EIF2S2: variants seen among roughly 807,000 people sequenced by gnomAD.
EIF2S2 encodes the protein eukaryotic translation initiation factor 2 subunit beta, also known as eukaryotic translation initiation factor 2 subunit 2.
A neutral mutation model predicts 44.0 loss-of-function variants in EIF2S2; 4 were observed. The observed-to-expected ratio is 0.09, with a 90% CI of 0.04 to 0.21. The LOEUF (loss-of-function observed/expected upper bound fraction) is 0.21, where lower values mean the gene tolerates loss of function less well. Ranked by LOEUF, EIF2S2 falls within the 10% of genes least tolerant of loss-of-function variation. EIF2S2 has a pLI of 1.00. For missense variants in EIF2S2, 154 were observed against 392.0 expected, an observed-to-expected ratio of 0.39 and a Z score of 5.13; for synonymous variants, 108 against 128.3, an observed-to-expected ratio of 0.84 and a Z score of 1.07.
chr20:34,093,800 G>A, intron 6 of EIF2S2, 69 bp from the exon 7 acceptor site: 1 of 1,373,818 alleles, frequency 7.3e-7, no homozygotes, highest in Non-Finnish European at 1.0e-6. Flanking sequence ...TAAAAAATCT[G>A]TTCATTGTTT....
intron 1 of EIF2S2, among the ~76,000 whole-genome samples, chr20:34,105,815 C>T (rs1488416152): frequency 6.6e-6 from 1 of 152,152 alleles, no homozygotes; most frequent in African/African-American, 2.4e-5. Context: ...CAAATTTGGA[C>T]ATTTGAATGA....
chr20:34,103,380 A>G (rs1568717479), intron 3 of EIF2S2, 82 bp downstream of exon 3: 4 of 1,451,800 alleles, frequency 2.8e-6, no homozygotes, highest in Non-Finnish European at 2.7e-6. Context: ...CTAGTAAGAG[A>G]TGAGTCAAAG....
intron 1 of EIF2S2, among the ~76,000 whole-genome samples, chr20:34,107,583 A>G (rs1209167708): frequency 6.6e-6 from 1 of 152,244 alleles, no homozygotes; most frequent in Non-Finnish European, 1.5e-5. Flanking sequence ...ATACTTTACC[A>G]TTCATAAAGC....
chr20:34,108,544 GTTTTC>G (rs753366351), intron 1 of EIF2S2, among the ~76,000 whole-genome samples: 9 of 152,106 alleles, frequency 5.9e-5, no homozygotes, highest in African/African-American at 1.7e-4. Context: ...CTCCAAATTG[GTTTTC>G]TTTTATGAAA....
intron 1 of EIF2S2, among the ~76,000 whole-genome samples, chr20:34,108,797 T>C (rs748731737): frequency 2.0e-4 from 30 of 152,236 alleles, no homozygotes; most frequent in Non-Finnish European, 4.3e-4. Flanking sequence ...AAATCAACTT[T>C]ATAGTCATAC....
intron 4 of EIF2S2, 76 bp from the exon 5 acceptor site, chr20:34,097,592 G>A: frequency 8.4e-7 from 1 of 1,190,872 alleles, no homozygotes. Context: ...CTAGAGAAAT[G>A]AAGAGTTTCA....
chr20:34,106,168 C>T (rs910887376), intron 1 of EIF2S2, among the ~76,000 whole-genome samples: 1 of 152,146 alleles, frequency 6.6e-6, no homozygotes, highest in African/African-American at 2.4e-5. Flanking sequence ...AATCCTCCCA[C>T]CTCGGCCACA....
Position 34,103,711 on chromosome 20 carries a change from T to C in EIF2S2, c.194-146A>G, listed in dbSNP as rs6119451. The C allele has an allele frequency of 8.8e-3, 2,392 of 272,692 alleles. 37 individuals are homozygous for C. The highest frequency in any genetic ancestry group is 0.052 in the African/African-American group (2,244 of 43,032). The allele number at this position is 272,692 out of a possible 1,614,324, so 16.9% of individuals were successfully genotyped here. A position where few individuals can be genotyped will look rare whatever the true frequency, so the allele number is the denominator to read the frequency against. On this transcript the variant is annotated intron_variant, in intron 2 of 8. Transcript: ENST00000374980. ...TCCACAATCACAAAACTTATGGTTC[T>C]TTTTTTTTTTTTTGAGATGGAGTCT...
chr20:34,106,799 C>A (rs2034354685), intron 1 of EIF2S2, among the ~76,000 whole-genome samples: 1 of 152,110 alleles, frequency 6.6e-6, no homozygotes, highest in African/African-American at 2.4e-5. Context: ...AATTTGTAGA[C>A]TATCTGCTTG....
At chr20:34,099,396 A>T (rs577078361) in intron 3 of EIF2S2, among the ~76,000 whole-genome samples, 1 of 152,292 alleles carries the variant, frequency 6.6e-6, no homozygotes, top group Admixed American at 6.5e-5. Context: ...AGAAAATTTA[A>T]AAGTTTAAAT....
Position 34,093,610 on chromosome 20 carries a change from C to T in EIF2S2, c.740+65G>A. On this transcript the variant is annotated intron_variant, in intron 7 of 8. Coordinates refer to ENST00000374980, the MANE Select transcript of EIF2S2 (RefSeq NM_003908.5). ...ATTTTCTCTAAGTGTGTTACATATC[C>T]TTTTCAAGAAAGGTTCTTATGAAAT... is the stretch of plus-strand genomic sequence containing the variant. 2.1e-6 allele frequency: 3 copies of T among 1,403,736 alleles called. No homozygotes were observed. The South Asian group carries it at 3.9e-5, about 18-fold the overall frequency. The allele number at this position is 1,403,736 out of a possible 1,614,324, so 87.0% of individuals were successfully genotyped here.
intron 3 of EIF2S2, among the ~76,000 whole-genome samples, chr20:34,099,713 G>T (rs1241360757): frequency 1.3e-5 from 2 of 152,178 alleles, no homozygotes; most frequent in African/African-American, 4.8e-5. Context: ...AAACTCGGAA[G>T]TTCCCACATT....
intron 7 of EIF2S2, among the ~76,000 whole-genome samples, chr20:34,091,355 GATAAA>G (rs981636374): frequency 2.0e-5 from 3 of 152,178 alleles, no homozygotes; most frequent in Non-Finnish European, 2.9e-5. Context: ...AAGTATAGTT[GATAAA>G]AATATACTAA....
At chr20:34,105,632 A>T in intron 1 of EIF2S2, 87 bp from the exon 2 acceptor site, 1 of 1,281,316 alleles carries the variant, frequency 7.8e-7, no homozygotes. Flanking sequence ...CTCAAAAGGC[A>T]TACTCTTAAA....
At chr20:34,098,706 G>A in intron 3 of EIF2S2, 73 bp from the exon 4 acceptor site, 1 of 1,516,560 alleles carries the variant, frequency 6.6e-7, no homozygotes. Context: ...TACATTTTCT[G>A]TTGAGATGAG....
At chr20:34,102,015 T>C (rs1466720996) in intron 3 of EIF2S2, among the ~76,000 whole-genome samples, 1 of 152,168 alleles carries the variant, frequency 6.6e-6, no homozygotes, top group Non-Finnish European at 1.5e-5. Context: ...AGCCCTCGGA[T>C]GGTCTGGAAA....
intron 1 of EIF2S2, among the ~76,000 whole-genome samples, chr20:34,109,168 CA>C (rs1408958517): frequency 6.6e-6 from 1 of 151,994 alleles, no homozygotes; most frequent in Non-Finnish European, 1.5e-5. Flanking sequence ...CATTTTGAAT[CA>C]AATACTTTTT....
chr20:34,108,265 GT>G (rs1244398408), intron 1 of EIF2S2: 1 of 152,166 alleles, frequency 6.6e-6, no homozygotes, highest in Non-Finnish European at 1.5e-5. Flanking sequence ...AAACAGTTTG[GT>G]TGTAGCCTTG....
intron 1 of EIF2S2, among the ~76,000 whole-genome samples, chr20:34,109,034 G>C (rs772710386): frequency 3.3e-5 from 5 of 151,560 alleles, no homozygotes; most frequent in Non-Finnish European, 7.4e-5. Context: ...CTGCAGCCTC[G>C]AACTCCTGGC....
Sources: gnomAD v4.1 joint callset for allele counts (sites outside exome capture counted in the v4.1 genomes callset) on GRCh38, gnomAD v4.1.1 for gene constraint, MANE v1.5 for transcripts, NCBI Gene and HGNC (gene_info 2026-07-23, HGNC 2026-07-21) for gene names.